RLF: variants seen among roughly 807,000 people sequenced by gnomAD.
RLF encodes the protein zinc finger protein Rlf.
In RLF, 7 loss-of-function variants were observed where a neutral mutation model predicts 162.9. The ratio of observed to expected loss-of-function variants is 0.04; its 90% confidence interval spans 0.02 to 0.08. The LOEUF (loss-of-function observed/expected upper bound fraction) is 0.08, where lower values mean the gene tolerates loss of function less well. Among genes scored for constraint, RLF ranks in the 10% least tolerant of loss-of-function variants. RLF has a pLI of 1.00. For missense variants in RLF, 1,664 were observed against 2,244.7 expected (o/e 0.74, Z 5.23); for synonymous variants, 782 against 791.5 (o/e 0.99, Z 0.20).
chr1:40,188,231 C>T (rs1373391080), intron 1 of RLF, among the ~76,000 whole-genome samples: 3 of 152,188 alleles, frequency 2.0e-5, no homozygotes, highest in Non-Finnish European at 4.4e-5. Context: ...AGTGATTTTT[C>T]AACACTGTCC....
intron 5 of RLF, among the ~76,000 whole-genome samples, chr1:40,208,362 A>G (rs1192952731): frequency 2.3e-4 from 35 of 152,248 alleles, no homozygotes; most frequent in Non-Finnish European, 7.3e-5. Context: ...CTTTCTGGTG[A>G]TAAAGAAATC....
Position 40,238,239 on chromosome 1 carries a change from G to A in RLF, c.3537G>A (p.Arg1179=). Residue 1179 remains arginine, a synonymous_variant, in exon 8 of 8, where the codon AGG becomes AGA. Coordinates refer to ENST00000372771, the MANE Select transcript of RLF (RefSeq NM_012421.4). The surrounding 1 kb of genome is among the most constrained non-coding windows in gnomAD (Gnocchi z 5.2). ...YSPFQCHICQ[R]SFTRKTHLRI... ...CATTTCAGTGTCATATTTGCCAAAG[G>A]TCATTTACAAGAAAAACACACCTTA... The A allele has an allele frequency of 2.5e-6, 4 of 1,614,036 alleles. No homozygotes were observed. The highest frequency in any genetic ancestry group is 3.4e-6 in the Non-Finnish European group (4 of 1,179,980).
At chr1:40,177,808 A>G (rs1042272024) in intron 1 of RLF, 3 of 152,104 alleles carry the variant, frequency 2.0e-5, no homozygotes, top group African/African-American at 7.2e-5. Context: ...TTAGATATAG[A>G]TATAGGTATA....
At position 40,238,034 on chromosome 1, in the gene RLF, A is replaced by G; in HGVS notation, c.3332A>G (p.Asp1111Gly). The G allele has an allele frequency of 6.2e-7, 1 of 1,614,140 alleles. No individual in the cohort carries two copies. The highest frequency in any genetic ancestry group is 8.5e-7 in the Non-Finnish European group (1 of 1,180,014). The change falls in exon 8 of 8, where the codon GAT becomes GGT. Residue 1111 changes from aspartate (D) to glycine (G), a missense_variant. Physicochemically the swap from Asp to Gly is moderately conservative, Grantham distance 94. Transcript: ENST00000372771. This position sits in a 1 kb window ranked among gnomAD's most constrained non-coding sequence, Gnocchi z 5.2. The part of the protein sequence containing the change: ...SISDLNFQNQ[D>G]ENMPSQYLAQ... ...TCAGACCTTAATTTTCAGAATCAAG[A>G]TGAAAACATGCCAAGTCAGTACCTT...
chr1:40,189,550 A>C (rs557868120), intron 2 of RLF, among the ~76,000 whole-genome samples: 1 of 152,312 alleles, frequency 6.6e-6, no homozygotes, highest in South Asian at 2.1e-4. Flanking sequence ...AACAACATGA[A>C]ATTCTGCAAT....
intron 1 of RLF, 41 bp from the exon 2 acceptor site, chr1:40,189,014 A>G: frequency 2.2e-6 from 3 of 1,363,122 alleles, no homozygotes; most frequent in Non-Finnish European, 3.0e-6. Flanking sequence ...AATCTGTTTC[A>G]TTATTTTTAT....
intron 4 of RLF, 70 bp from the exon 5 acceptor site, chr1:40,202,342 C>A: frequency 2.0e-6 from 2 of 1,002,162 alleles, no homozygotes; most frequent in Non-Finnish European, 1.4e-6. Flanking sequence ...AGATCTCAAA[C>A]TTTCATCTTA....
chr1:40,189,706 G>A (rs1255460164), intron 2 of RLF, among the ~76,000 whole-genome samples: 1 of 152,094 alleles, frequency 6.6e-6, no homozygotes, highest in Admixed American at 6.5e-5. Flanking sequence ...AGAGGCTGAG[G>A]CACGAGAATC....
intron 7 of RLF, among the ~76,000 whole-genome samples, chr1:40,233,094 CAAAA>C (rs778637305): frequency 1.3e-5 from 1 of 77,396 alleles, no homozygotes; most frequent in Non-Finnish European, 3.0e-5. Context: ...GACTCTGTCT[CAAAA>C]AAAAAAAAAA....
At chr1:40,208,416 A>C (rs1642824633) in intron 5 of RLF, among the ~76,000 whole-genome samples, 1 of 152,176 alleles carries the variant, frequency 6.6e-6, no homozygotes. Flanking sequence ...CAGACTTTCT[A>C]CTTGAATCTT....
intron 2 of RLF, 104 bp downstream of exon 2, chr1:40,189,313 A>G (rs929191686): frequency 4.6e-6 from 4 of 862,396 alleles, no homozygotes; most frequent in African/African-American, 3.4e-5. Flanking sequence ...TCAGAGCACC[A>G]TTAGAGTCAT....
At chr1:40,231,718 T>C in intron 7 of RLF, 60 bp downstream of exon 7, 2 of 1,465,742 alleles carry the variant, frequency 1.4e-6, no homozygotes, top group East Asian at 4.6e-5. Flanking sequence ...AGTGGGAAGA[T>C]AACTTCTCAG....
At chr1:40,179,150 A>T (rs371355507) in intron 1 of RLF, among the ~76,000 whole-genome samples, 15 of 152,278 alleles carry the variant, frequency 9.9e-5, no homozygotes, top group African/African-American at 3.4e-4. Context: ...CACCATATTT[A>T]AAAAAGCTAT....
intron 1 of RLF, among the ~76,000 whole-genome samples, chr1:40,188,406 T>G (rs1234390223): frequency 1.3e-5 from 2 of 152,222 alleles, no homozygotes; most frequent in Non-Finnish European, 1.5e-5. Context: ...GGGTACCCTG[T>G]GTGGTAAGAG....
At chr1:40,187,454 T>C (rs1032806158) in intron 1 of RLF, among the ~76,000 whole-genome samples, 1 of 152,214 alleles carries the variant, frequency 6.6e-6, no homozygotes, top group Admixed American at 6.5e-5. Context: ...CTCAGTTTTT[T>C]TATTTTATTA....
At chr1:40,190,913 C>A in intron 3 of RLF, 60 bp downstream of exon 3, 1 of 1,001,356 alleles carries the variant, frequency 1.0e-6, no homozygotes, top group African/African-American at 1.6e-5. Flanking sequence ...TAATTACTCC[C>A]AGCAAACTAA....
intron 1 of RLF, among the ~76,000 whole-genome samples, chr1:40,173,441 T>G (rs1642274565): frequency 1.3e-5 from 2 of 152,074 alleles, no homozygotes; most frequent in Admixed American, 6.6e-5. Flanking sequence ...ACCTTTTTCA[T>G]ATATTATGAC....
In RLF at chr1:40,239,244, G is replaced by A. The variant is rs779843245; in HGVS notation, c.4542G>A (p.Lys1514=). ...CCACCAGGAGATCATTTAATGCTAA[G>A]TCTAAAAAATGTGGCTTAATCAAAG... ...HQTTRRSFNA[K]SKKCGLIKEK... is the part of the protein sequence containing the mutation. Residue 1514 remains lysine (K), a synonymous_variant, in exon 8 of 8, where the codon AAG becomes AAA. Transcript: ENST00000372771. The A allele has an allele frequency of 1.2e-6, 2 of 1,614,134 alleles. No homozygotes were observed. Among genetic ancestry groups the A allele is most frequent in the South Asian group, 1.1e-5 (1 of 91,088 alleles).
At position 40,236,134 on chromosome 1, in the gene RLF, C is replaced by T. The variant is rs1423628732; in HGVS notation, c.1432C>T (p.His478Tyr). 6 of 1,614,050 alleles carry T rather than the reference C, an allele frequency of 3.7e-6. No homozygotes were observed. The highest frequency in any genetic ancestry group is 5.1e-6 in the Non-Finnish European group (6 of 1,179,976). The part of the protein sequence containing the change: ...EFWDWKTLKR[H>Y]CHQLLGQEAS... ...TTGGGACTGGAAAACTTTAAAACGACACTGCCACCAACTTTTAGGACAAGA... is the reference window on the plus strand; with the variant it reads ...TTGGGACTGGAAAACTTTAAAACGATACTGCCACCAACTTTTAGGACAAGA... The change falls in exon 8 of 8, where the codon CAC (histidine) becomes TAC (tyrosine). Residue 478 changes from histidine to tyrosine, a missense_variant. Coordinates refer to ENST00000372771, the MANE Select transcript of RLF (RefSeq NM_012421.4). This position sits in a 1 kb window ranked among gnomAD's most constrained non-coding sequence, Gnocchi z 7.7.
Sources: allele counts gnomAD v4.1 joint callset (sites outside exome capture counted in the v4.1 genomes callset), GRCh38; gene constraint gnomAD v4.1.1; non-coding constraint Gnocchi (gnomAD v3.1); transcripts MANE v1.5; gene names NCBI Gene and HGNC (gene_info 2026-07-23, HGNC 2026-07-21).